The following DBN1 variants were observed in gnomAD, a reference collection of about 807,000 sequenced individuals.
DBN1 encodes drebrin 1, also known as drebrin.
Under a neutral mutation model 83.5 loss-of-function variants are expected in DBN1, and 21 were observed. The ratio of observed to expected loss-of-function variants is 0.25; its 90% CI spans 0.18 to 0.36. DBN1 has a LOEUF of 0.36. DBN1 is among the 10% of genes least tolerant of loss of function. DBN1 has a pLI of 1.00. For synonymous variants in DBN1, 381 were observed against 384.9 expected, an observed-to-expected ratio of 0.99 and a Z score of 0.12; for missense variants, 874 against 935.7, an observed-to-expected ratio of 0.93 and a Z score of 0.86.
At chr5:177,460,957 T>C (rs1382345484) in intron 8 of DBN1, among the ~76,000 whole-genome samples, 2 of 151,990 alleles carry the variant, frequency 1.3e-5, no homozygotes, top group East Asian at 3.9e-4. Flanking sequence ...TTTTAATTTT[T>C]TGGTAGAGAT....
rs1758002864 is a variant in DBN1 at position 177,473,545 on chromosome 5, C to A, written c.-24G>T. 3.0e-6 allele frequency: 4 copies of A among 1,325,646 alleles called. No homozygotes were observed. The highest frequency in any genetic ancestry group is 3.9e-6 in the Non-Finnish European group (4 of 1,024,458). The allele number at this position is 1,325,646 out of a possible 1,614,324, so 82.1% of individuals were successfully genotyped here. A position where few individuals can be genotyped will look rare whatever the true frequency, so the allele number is the denominator to read the frequency against. On this transcript the variant is annotated 5_prime_UTR_variant, in exon 1 of 15. Coordinates refer to ENST00000393565, the MANE Select transcript of DBN1 (RefSeq NM_001363541.2). ...ATGCTTCGGGCCGGACCGGGCCGAA[C>A]GGACAGACGCGCGGACGGACGGGCG...
At chr5:177,465,321 C>T (rs1757370001) in intron 8 of DBN1, among the ~76,000 whole-genome samples, 1 of 152,142 alleles carries the variant, frequency 6.6e-6, no homozygotes, top group South Asian at 2.1e-4. Context: ...GTGAAATAAG[C>T]CACACGCAAA....
At chr5:177,468,315 C>T in intron 2 of DBN1, 95 bp from the exon 3 acceptor site, 1 of 1,056,910 alleles carries the variant, frequency 9.5e-7, no homozygotes, top group Non-Finnish European at 1.5e-6. Flanking sequence ...CAGGCCTCCA[C>T]AGGCACCCCC....
rs1039984483 is a variant in DBN1 at position 177,458,522 on chromosome 5, G to C, written c.1450C>G (p.Pro484Ala). Residue 484 changes from proline to alanine, a missense_variant, in exon 13 of 15, where the codon CCT (proline) becomes GCT (alanine). Physicochemically the swap from Pro to Ala is conservative, Grantham distance 27 (BLOSUM62 -1). Transcript: ENST00000393565. ...ATCTCCGTGGCGTCAGCTGTGGCAGGCTCCACGGGAGCAGCCAGGACAGCC... is the reference window on the plus strand; with the variant it reads ...ATCTCCGTGGCGTCAGCTGTGGCAGCCTCCACGGGAGCAGCCAGGACAGCC... ...EQAVLAAPVE[P>A]ATADATEIHD... 7.4e-6 allele frequency: 12 copies of C among 1,614,108 alleles called. No homozygotes were observed. Among genetic ancestry groups the C allele is most frequent in the East Asian group, 2.2e-5 (1 of 44,886 alleles).
chr5:177,461,392 C>G (rs557364335), intron 8 of DBN1, among the ~76,000 whole-genome samples: 2 of 152,156 alleles, frequency 1.3e-5, no homozygotes, highest in East Asian at 3.9e-4. Context: ...GCCACCGCGC[C>G]CGGCCCCTTC....
At position 177,467,912 on chromosome 5, in the gene DBN1, T is replaced by C. The variant is rs1037981429; in HGVS notation, c.256-95A>G. ...CCCCGGGGTGGGAAGAGGGTGGGCT[T>C]CCCTCTCCACGGGTGTCAGAGGGCC... On this transcript the variant is annotated intron_variant, in intron 3 of 14. Transcript: ENST00000393565. The surrounding 1 kb of genome is among the most constrained non-coding windows in gnomAD (Gnocchi z 9.1). 5.2e-5 allele frequency: 77 copies of C among 1,489,820 alleles called. No homozygotes were observed. The highest frequency in any genetic ancestry group is 6.2e-5 in the Non-Finnish European group (67 of 1,075,588). 92.3% of individuals were successfully genotyped at this position (1,489,820 alleles called of 1,614,324 possible).
Position 177,467,507 on chromosome 5 carries a change from G to T in DBN1, c.451C>A (p.Arg151=). ...SSPVLHRLRL[R]EDENAEPVGT... The stretch of plus-strand genomic sequence containing the variant: ...ACGGGCTCTGCGTTCTCATCCTCTC[G>T]CAGCCGCAGTCGGTGCAGCACAGGG... The change falls in exon 5 of 15, where the codon CGA becomes AGA. Residue 151 remains arginine (R), a synonymous_variant. Transcript: ENST00000393565. The surrounding 1 kb of genome is among the most constrained non-coding windows in gnomAD (Gnocchi z 9.1). The T allele has an allele frequency of 6.3e-7, 1 of 1,578,556 alleles. No individual in the cohort carries two copies. Among genetic ancestry groups the T allele is most frequent in the Non-Finnish European group, 8.6e-7 (1 of 1,161,722 alleles).
Position 177,467,231 on chromosome 5 carries a change from C to T in DBN1, c.555+24G>A. The T allele has an allele frequency of 6.2e-7, 1 of 1,613,960 alleles. No individual in the cohort carries two copies. Among genetic ancestry groups the T allele is most frequent in the Non-Finnish European group, 8.5e-7 (1 of 1,179,880 alleles). ...TGGGGTCCATGAGGGGTGGCTCAGC[C>T]AGGCCGGGCTCAGGGTTCCATACCT... On this transcript the variant is annotated intron_variant, in intron 6 of 14. Coordinates refer to ENST00000393565, the MANE Select transcript of DBN1 (RefSeq NM_001363541.2). The surrounding 1 kb of genome is among the most constrained non-coding windows in gnomAD (Gnocchi z 9.1).
intron 1 of DBN1, among the ~76,000 whole-genome samples, chr5:177,471,585 T>C (rs1349531366): frequency 5.3e-5 from 8 of 152,064 alleles, no homozygotes; most frequent in Non-Finnish European, 1.0e-4. Flanking sequence ...CCTGGTTCCA[T>C]GCTGGGCCCT....
intron 11 of DBN1, 84 bp from the exon 12 acceptor site, chr5:177,459,352 C>T (rs1756832849): frequency 5.2e-6 from 8 of 1,537,226 alleles, no homozygotes; most frequent in Middle Eastern, 2.3e-4. Context: ...TGGCCAGCAC[C>T]TCCTCTCTGG....
intron 8 of DBN1, among the ~76,000 whole-genome samples, chr5:177,464,355 A>C (rs1287056965): frequency 6.6e-6 from 1 of 151,186 alleles, no homozygotes; most frequent in Non-Finnish European, 1.5e-5. Context: ...CTGAGGCAAG[A>C]GAATCGCTTG....
At chr5:177,461,244 G>A (rs1307128651) in intron 8 of DBN1, among the ~76,000 whole-genome samples, 1 of 150,188 alleles carries the variant, frequency 6.7e-6, no homozygotes, top group African/African-American at 2.4e-5. Context: ...GACTACAGGC[G>A]CCCGCCACTA....
Position 177,468,542 on chromosome 5 carries a change from T to C in DBN1, c.142+302A>G, listed in dbSNP as rs1223277114. On this transcript the variant is annotated intron_variant, in intron 2 of 14. Coordinates refer to ENST00000393565, the MANE Select transcript of DBN1 (RefSeq NM_001363541.2). ...TGCCCAGAGGCACAATCAAGCCTTC[T>C]GGCTCTGGGGAAGGCGGTGAATAGG... 25 of 462,168 alleles carry C rather than the reference T, an allele frequency of 5.4e-5. No homozygotes were observed. The East Asian group carries it at 7.9e-4, about 15-fold the overall frequency. 28.6% of individuals were successfully genotyped at this position (462,168 alleles called of 1,614,324 possible). A position where few individuals can be genotyped will look rare whatever the true frequency, so the allele number is the denominator to read the frequency against.
At chr5:177,462,110 G>A (rs935625816) in intron 8 of DBN1, 29 of 563,222 alleles carry the variant, frequency 5.1e-5, no homozygotes, top group Non-Finnish European at 6.1e-5. Context: ...CCTGCCCACT[G>A]CACACGTTGT....
At chr5:177,458,030 C>A in intron 13 of DBN1, 28 bp downstream of exon 13, 1 of 1,607,080 alleles carries the variant, frequency 6.2e-7, no homozygotes, top group East Asian at 2.2e-5. Flanking sequence ...TCCCTCCCAT[C>A]CCTCCCACCA....
At chr5:177,463,683 T>G (rs1757206007) in intron 8 of DBN1, among the ~76,000 whole-genome samples, 2 of 152,240 alleles carry the variant, frequency 1.3e-5, no homozygotes, top group Admixed American at 1.3e-4. Context: ...TCACGTGAAC[T>G]ATACTTGAAG....
In DBN1 at chr5:177,459,660, TC is replaced by T; in HGVS notation, c.1035del (p.Thr346LeufsTer53). The stretch of plus-strand genomic sequence containing the variant: ...TGGCAGGTGATATAGGGAAAGGGAG[TC>T]CGTGGAGGGGAGGAGGAGGAAGAGG... ...SSSSSSSSPP[R>X]TPFPYITCHR... On this transcript the variant is annotated frameshift_variant, in exon 11 of 15. Transcript: ENST00000393565. LOFTEE classifies it high-confidence loss of function. The T allele has an allele frequency of 6.3e-7, 1 of 1,580,066 alleles. No homozygotes were observed. Among genetic ancestry groups the T allele is most frequent in the Non-Finnish European group, 8.6e-7 (1 of 1,163,362 alleles).
At chr5:177,460,024 A>G (rs1756897080) in intron 10 of DBN1, among the ~76,000 whole-genome samples, 2 of 152,216 alleles carry the variant, frequency 1.3e-5, no homozygotes, top group Non-Finnish European at 2.9e-5. Context: ...GAGAGGCGGA[A>G]GCAGCACACT....
In DBN1 at chr5:177,458,598, C is replaced by A; in HGVS notation, c.1374G>T (p.Arg458=). ...EEPPQAQAPP[R]GPGSPAEDLM... The stretch of plus-strand genomic sequence containing the variant: ...AGTCCTCTGCAGGGCTGCCTGGCCC[C>A]CGGGGAGGCGCCTGTGCCTGAGGGG... The change falls in exon 13 of 15, where the codon CGG becomes CGT. Residue 458 remains arginine, a synonymous_variant. Coordinates refer to ENST00000393565, the MANE Select transcript of DBN1 (RefSeq NM_001363541.2). The A allele has an allele frequency of 6.2e-7, 1 of 1,612,976 alleles. No homozygotes were observed. Among genetic ancestry groups the A allele is most frequent in the South Asian group, 1.1e-5 (1 of 91,018 alleles).
Sources: gnomAD v4.1 joint callset for allele counts (sites outside exome capture counted in the v4.1 genomes callset) on GRCh38, gnomAD v4.1.1 for gene constraint, Gnocchi (gnomAD v3.1) non-coding constraint, MANE v1.5 for transcripts, NCBI Gene and HGNC (gene_info 2026-07-23, HGNC 2026-07-21) for gene names.